HEATR5B: variants seen among roughly 807,000 people sequenced by gnomAD.
The protein encoded by HEATR5B is HEAT repeat containing 5B, also known as HEAT repeat-containing protein 5B.
Under a neutral mutation model 224.1 loss-of-function variants are expected in HEATR5B, and 156 were observed. The ratio of observed to expected loss-of-function variants is 0.70; its 90% confidence interval spans 0.61 to 0.80. The LOEUF (loss-of-function observed/expected upper bound fraction) is 0.80. HEATR5B is among the 30% of genes least tolerant of loss of function. The pLI, the probability that HEATR5B is intolerant of heterozygous loss-of-function variation, is 0.00. For missense variants in HEATR5B, 2,323 were observed against 2,535.5 expected, an observed-to-expected ratio of 0.92 and a Z score of 1.80; for synonymous variants, 1,027 against 893.0, an observed-to-expected ratio of 1.15 and a Z score of -2.68.
intron 21 of HEATR5B, among the ~76,000 whole-genome samples, chr2:37,033,049 T>G (rs955997900): frequency 6.6e-6 from 1 of 152,070 alleles, no homozygotes; most frequent in African/African-American, 2.4e-5. Context: ...CCTGGCTAAT[T>G]TTTGTATTTT....
intron 11 of HEATR5B, among the ~76,000 whole-genome samples, chr2:37,061,004 C>A (rs1419559383): frequency 6.6e-6 from 1 of 151,970 alleles, no homozygotes; most frequent in Non-Finnish European, 1.5e-5. Context: ...ACATAAAATA[C>A]ACAAAAAGCA....
chr2:37,018,527 C>T (rs12466249), intron 26 of HEATR5B, among the ~76,000 whole-genome samples: 1 of 152,144 alleles, frequency 6.6e-6, no homozygotes, highest in African/African-American at 2.4e-5. Context: ...CTGAAGACTG[C>T]CATTAAGGCA....
Position 37,032,729 on chromosome 2 carries a change from C to T in HEATR5B, c.3261G>A (p.Val1087=), listed in dbSNP as rs1368753967. The change falls in exon 22 of 36, where the codon GTG becomes GTA. Residue 1087 remains valine (V), a synonymous_variant. Transcript: ENST00000233099. The part of the protein sequence containing the change: ...SSHLLLRRAA[V]ACLRQLAQRE... The stretch of plus-strand genomic sequence containing the variant: ...TTTGTGCAAGTTGCCGAAGACATGC[C>T]ACAGCTGCTCGTCGAAGTAACAAAT... The T allele has an allele frequency of 6.2e-7, 1 of 1,613,926 alleles. No homozygotes were observed. Among genetic ancestry groups the T allele is most frequent in the Non-Finnish European group, 8.5e-7 (1 of 1,179,992 alleles).
chr2:37,057,540 T>C (rs575234966), intron 14 of HEATR5B, 60 bp from the exon 15 acceptor site: 5 of 1,200,006 alleles, frequency 4.2e-6, no homozygotes, highest in African/African-American at 3.1e-5. Flanking sequence ...ATTATAATCA[T>C]TGCCCACAAA....
intron 21 of HEATR5B, among the ~76,000 whole-genome samples, chr2:37,034,399 G>C (rs1304849317): frequency 7.1e-6 from 1 of 140,924 alleles, no homozygotes; most frequent in South Asian, 2.3e-4. Flanking sequence ...GGATCACGAG[G>C]TCAGGAGATC....
At chr2:37,029,493 G>GT (rs1668984324) in intron 22 of HEATR5B, among the ~76,000 whole-genome samples, 2 of 151,964 alleles carry the variant, frequency 1.3e-5, no homozygotes, top group Admixed American at 6.6e-5. Flanking sequence ...GCGAAACCCC[G>GT]TCTCTACTAA....
chr2:37,032,477 A>T, intron 22 of HEATR5B, 152 bp downstream of exon 22: 1 of 795,434 alleles, frequency 1.3e-6, no homozygotes, highest in Non-Finnish European at 1.9e-6. Context: ...CAAGAAAACC[A>T]CATTGGAATT....
chr2:37,056,760 C>G, intron 15 of HEATR5B, 145 bp from the exon 16 acceptor site: 2 of 643,638 alleles, frequency 3.1e-6, no homozygotes, highest in Non-Finnish European at 5.0e-6. Context: ...GAAAACAGAC[C>G]AAAATGTAAT....
chr2:36,981,764 G>C lies in HEATR5B; in HGVS notation c.5942C>G (p.Thr1981Ser). Residue 1981 changes from threonine to serine, a missense_variant, in exon 36 of 36, where the codon ACT (threonine) becomes AGT (serine). Thr to Ser is a moderately conservative substitution (Grantham distance 58, BLOSUM62 1). Around this residue, in one of 12 missense-constraint regions of HEATR5B, gnomAD observed 844 missense variants for 812.9 expected, o/e 1.04. Coordinates refer to ENST00000233099, the MANE Select transcript of HEATR5B (RefSeq NM_019024.3). ...RVQLLALLVPTLISYLLDENS... is the reference protein window; with the variant it reads ...RVQLLALLVPSLISYLLDENS... ...TTCATCCAGCAGGTAAGATATCAAA[G>C]TGGGAACTAAAAGAGCAAGTAGCTG... is the stretch of plus-strand genomic sequence containing the variant. 1 of 1,613,072 alleles carries C rather than the reference G, an allele frequency of 6.2e-7. No individual in the cohort carries two copies. The highest frequency in any genetic ancestry group is 8.5e-7 in the Non-Finnish European group (1 of 1,179,582).
chr2:37,017,379 G>C (rs12612838), intron 26 of HEATR5B, among the ~76,000 whole-genome samples: 3 of 151,078 alleles, frequency 2.0e-5, no homozygotes, highest in Middle Eastern at 3.4e-3. Flanking sequence ...GGCAACAGAG[G>C]GAGACTGTGT....
In HEATR5B at chr2:37,008,788, T is replaced by C. The variant is rs1284856677; in HGVS notation, c.4345A>G (p.Lys1449Glu). 3 of 1,614,082 alleles carry C rather than the reference T, an allele frequency of 1.9e-6. No individual in the cohort carries two copies. The highest frequency in any genetic ancestry group is 2.5e-6 in the Non-Finnish European group (3 of 1,180,038). The change falls in exon 28 of 36, where the codon AAA (lysine) becomes GAA (glutamate). Residue 1449 changes from lysine (K) to glutamate (E), a missense_variant. Lys to Glu is a moderately conservative substitution (Grantham distance 56). This residue lies in a region of HEATR5B where 844 missense variants were observed against 812.9 expected (regional missense o/e 1.04). Coordinates refer to ENST00000233099, the MANE Select transcript of HEATR5B (RefSeq NM_019024.3). Reference sequence around the variant, plus strand: ...TCGTCATCATCATCGTCAGTATTTTTAATTGCTCTTTTTGGTTTTGACTCT... The same window carrying C: ...TCGTCATCATCATCGTCAGTATTTTCAATTGCTCTTTTTGGTTTTGACTCT... ...EAESKPKRAI[K>E]NTDDDDDDCG...
chr2:37,077,116 CTT>C (rs1485320357), intron 3 of HEATR5B, 97 bp from the exon 4 acceptor site: 1 of 1,013,092 alleles, frequency 9.9e-7, no homozygotes, highest in African/African-American at 1.6e-5. Context: ...GTCTAGGACA[CTT>C]TTGGCTATAA....
At chr2:37,000,078 A>AT (rs1259258518) in intron 33 of HEATR5B, among the ~76,000 whole-genome samples, 4 of 151,404 alleles carry the variant, frequency 2.6e-5, no homozygotes, top group South Asian at 2.1e-4. Flanking sequence ...TTATATATAT[A>AT]TTTTTTTTGA....
chr2:37,082,375 G>C lies in HEATR5B; in HGVS notation c.126+914C>G, dbSNP rs6756381. Reference sequence around the variant, plus strand: ...GATTACAGGCGTGAACCACCATGCCGGGCCATATCTACTTTTAAAGACAGA... The same window carrying C: ...GATTACAGGCGTGAACCACCATGCCCGGCCATATCTACTTTTAAAGACAGA... On this transcript the variant is annotated intron_variant, in intron 2 of 35. Coordinates refer to ENST00000233099, the MANE Select transcript of HEATR5B (RefSeq NM_019024.3). Among the ~76,000 whole-genome samples, 17 of 152,042 alleles carry C rather than the reference G, an allele frequency of 1.1e-4. No individual in the cohort carries two copies. In the East Asian group the frequency reaches 1.2e-3, roughly 10 times the overall value.
intron 15 of HEATR5B, 77 bp downstream of exon 15, chr2:37,057,240 T>C: frequency 1.8e-6 from 2 of 1,120,858 alleles, no homozygotes; most frequent in Non-Finnish European, 2.5e-6. Context: ...TACACTATTT[T>C]CTTTTTAAGT....
rs149886951 is a variant in HEATR5B, at chr2:37,077,068, AT to A, written c.339-50del. ...AGTCATTGTCCAGGTTAATGATACA[AT>A]TATACTTTTCTCATTTTTAGAAATC... is the stretch of plus-strand genomic sequence containing the variant. On this transcript the variant is annotated intron_variant, in intron 3 of 35. Transcript: ENST00000233099. The A allele has an allele frequency of 6.0e-4, 841 of 1,404,502 alleles. 6 individuals carry two copies. In the African/African-American group the frequency reaches 9.4e-3, roughly 16 times the overall value. The allele number at this position is 1,404,502 out of a possible 1,614,324, so 87.0% of individuals were successfully genotyped here.
intron 5 of HEATR5B, among the ~76,000 whole-genome samples, chr2:37,073,696 G>A (rs954405691): frequency 1.3e-5 from 2 of 152,184 alleles, no homozygotes; most frequent in African/African-American, 4.8e-5. Context: ...TCCATAGGGT[G>A]GAAGACTTAA....
chr2:37,077,939 C>A (rs913218626), intron 3 of HEATR5B, among the ~76,000 whole-genome samples: 1 of 152,170 alleles, frequency 6.6e-6, no homozygotes, highest in South Asian at 2.1e-4. Context: ...AATAGCAACA[C>A]ACTTCTTCAG....
chr2:37,021,512 G>A (rs965251233), intron 24 of HEATR5B, among the ~76,000 whole-genome samples: 1 of 152,266 alleles, frequency 6.6e-6, no homozygotes. Context: ...GACAAGATGA[G>A]AAATCATCCC....
Sources: gnomAD v4.1 joint callset for allele counts (sites outside exome capture counted in the v4.1 genomes callset) on GRCh38, gnomAD v4.1.1 for gene constraint, gnomAD v4.1.1 regional missense constraint, MANE v1.5 for transcripts, NCBI Gene and HGNC (gene_info 2026-07-23, HGNC 2026-07-21) for gene names.